The following TNKS variants were observed in gnomAD, a reference collection of about 807,000 sequenced individuals.
The protein encoded by TNKS is tankyrase.
TNKS carries 72 observed loss-of-function variants against 135.8 expected under a neutral mutation model. The observed-to-expected ratio is 0.53, with a 90% CI of 0.44 to 0.64. The LOEUF is 0.64. TNKS is among the 30% of genes least tolerant of loss of function. TNKS has a pLI of 0.00. For synonymous variants in TNKS, 849 were observed against 649.3 expected (o/e 1.31, Z -4.68); for missense variants, 1,769 against 1,674.0 (o/e 1.06, Z -0.99).
chr8:9,604,001 GAAAT>G (rs1024287019), intron 2 of TNKS, among the ~76,000 whole-genome samples: 5 of 151,932 alleles, frequency 3.3e-5, no homozygotes, highest in Admixed American at 6.5e-5. Flanking sequence ...ATTCTAAAAA[GAAAT>G]AAAAAGAGGA....
chr8:9,586,594 G>T (rs913894036), intron 2 of TNKS, among the ~76,000 whole-genome samples: 7 of 152,106 alleles, frequency 4.6e-5, no homozygotes, highest in South Asian at 2.1e-4. Flanking sequence ...GTAAAACTCA[G>T]ATTCATTCAG....
At chr8:9,721,732 T>A (rs1804890348) in intron 12 of TNKS, among the ~76,000 whole-genome samples, 1 of 152,188 alleles carries the variant, frequency 6.6e-6, no homozygotes, top group South Asian at 2.1e-4. Context: ...CCTAACTGTA[T>A]AGGTACCTTT....
At position 9,675,816 on chromosome 8, in the gene TNKS, C is replaced by G. The variant is rs145775527; in HGVS notation, c.995-4135C>G. ...GATAATGGATAATACTTAGTGAAAC[C>G]TAAGACAATCTGTTTAACTGCCTTG... On this transcript the variant is annotated intron_variant, in intron 3 of 26. Coordinates refer to ENST00000310430, the MANE Select transcript of TNKS (RefSeq NM_003747.3). Among the ~76,000 whole-genome samples, 510 of 152,140 alleles carry G rather than the reference C, an allele frequency of 3.4e-3. 3 individuals carry two copies. Among genetic ancestry groups the G allele is most frequent in the African/African-American group, 0.011 (474 of 41,510 alleles).
chr8:9,669,166 C>T (rs1009821064), intron 3 of TNKS, among the ~76,000 whole-genome samples: 11 of 152,010 alleles, frequency 7.2e-5, no homozygotes, highest in South Asian at 4.2e-4. Context: ...CGCCTGTAAT[C>T]CCAGCACTTT....
intron 1 of TNKS, among the ~76,000 whole-genome samples, chr8:9,564,999 C>G (rs780133203): frequency 2.0e-5 from 3 of 148,444 alleles, no homozygotes; most frequent in Non-Finnish European, 4.5e-5. Context: ...CAGGATAACC[C>G]CGGGGCTCAT....
intron 17 of TNKS, among the ~76,000 whole-genome samples, chr8:9,747,071 C>A (rs528995457): frequency 6.6e-6 from 1 of 151,548 alleles, no homozygotes; most frequent in Non-Finnish European, 1.5e-5. Context: ...TTGGTAGGGA[C>A]GGGGTTTCAC....
chr8:9,726,762 T>A, intron 13 of TNKS, 42 bp downstream of exon 13: 1 of 1,457,414 alleles, frequency 6.9e-7, no homozygotes. Context: ...ACTGTTGAAC[T>A]TTGCTAACCA....
chr8:9,726,729 G>A lies in TNKS; in HGVS notation c.2001+9G>A. 1 of 1,608,224 alleles carries A rather than the reference G, an allele frequency of 6.2e-7. No individual in the cohort carries two copies. Among genetic ancestry groups the A allele is most frequent in the Non-Finnish European group, 8.5e-7 (1 of 1,176,450 alleles). On this transcript the variant is annotated intron_variant, in intron 13 of 26. Coordinates refer to ENST00000310430, the MANE Select transcript of TNKS (RefSeq NM_003747.3). ...ACTTGGAAACTGTGAAGGTAAGTCA[G>A]TGCCCTTAATATCTGGAATAGCACT...
rs1465650699 is a variant in TNKS at position 9,657,645 on chromosome 8, G to T, written c.995-22306G>T. On this transcript the variant is annotated intron_variant, in intron 3 of 26. Coordinates refer to ENST00000310430, the MANE Select transcript of TNKS (RefSeq NM_003747.3). Reference sequence around the variant, plus strand: ...TCCTGGACGGGGCGGCTGGCCGGGTGGGGGGGCTGACCCCCCCATCTCCCT... The same window carrying T: ...TCCTGGACGGGGCGGCTGGCCGGGTTGGGGGGCTGACCCCCCCATCTCCCT... Among the ~76,000 whole-genome samples, 26 of 84,608 alleles carry T rather than the reference G, an allele frequency of 3.1e-4. 1 individual carries two copies. Among genetic ancestry groups the T allele is most frequent in the Admixed American group, 1.6e-3 (16 of 10,010 alleles). The allele number at this position is 84,608 out of a possible 152,430, so 55.5% of individuals were successfully genotyped here.
intron 20 of TNKS, among the ~76,000 whole-genome samples, chr8:9,759,518 G>C (rs1450114185): frequency 2.6e-5 from 4 of 152,204 alleles, no homozygotes; most frequent in Non-Finnish European, 2.9e-5. Flanking sequence ...TGTTTTGTTG[G>C]TTTGGTTTGG....
In TNKS at chr8:9,577,869, C is replaced by T. The variant is rs1218134342; in HGVS notation, c.674-2290C>T. Among the ~76,000 whole-genome samples, 3 of 152,190 alleles carry T rather than the reference C, an allele frequency of 2.0e-5. No individual in the cohort carries two copies. In the East Asian group the frequency reaches 5.8e-4, roughly 29 times the overall value. On this transcript the variant is annotated intron_variant, in intron 1 of 26. Coordinates refer to ENST00000310430, the MANE Select transcript of TNKS (RefSeq NM_003747.3). ...CCAGAGTTCAAAGCAAAGCAAGTCC[C>T]TTCTGCCTGTAAAATCAAAGCCAGT...
chr8:9,755,181 G>T (rs145651381), intron 20 of TNKS, among the ~76,000 whole-genome samples: 3 of 151,650 alleles, frequency 2.0e-5, no homozygotes, highest in Admixed American at 1.3e-4. Flanking sequence ...TCGTATATTC[G>T]CATTGTCAGT....
At chr8:9,636,924 A>G (rs1246928179) in intron 3 of TNKS, among the ~76,000 whole-genome samples, 1 of 152,188 alleles carries the variant, frequency 6.6e-6, no homozygotes, top group East Asian at 1.9e-4. Context: ...TTAGAATGTC[A>G]GTAATTTAGA....
intron 3 of TNKS, among the ~76,000 whole-genome samples, chr8:9,624,459 G>C (rs1799982757): frequency 6.6e-6 from 1 of 152,114 alleles, no homozygotes; most frequent in Non-Finnish European, 1.5e-5. Flanking sequence ...CCATGCAATT[G>C]TTAGAAGTAA....
chr8:9,734,350 C>A (rs1394822298), intron 15 of TNKS, among the ~76,000 whole-genome samples: 1 of 152,190 alleles, frequency 6.6e-6, no homozygotes, highest in East Asian at 1.9e-4. Context: ...ATTTTTAATA[C>A]ATTTATATCT....
chr8:9,775,457 TTCTA>T (rs1563229727), intron 26 of TNKS, among the ~76,000 whole-genome samples: 2 of 65,830 alleles, frequency 3.0e-5, no homozygotes, highest in African/African-American at 5.1e-5. Context: ...TTATGAATGG[TTCTA>T]TATATATATA....
chr8:9,622,928 C>G (rs1478439501), intron 3 of TNKS, among the ~76,000 whole-genome samples: 6 of 152,064 alleles, frequency 3.9e-5, no homozygotes, highest in Non-Finnish European at 8.8e-5. Context: ...TATGGTTTTT[C>G]CTATATGTAC....
At chr8:9,566,209 T>A (rs189322631) in intron 1 of TNKS, 3 of 152,360 alleles carry the variant, frequency 2.0e-5, no homozygotes, top group Non-Finnish European at 4.4e-5. Context: ...ACATCTTAGC[T>A]ATTTTTTTCT....
At position 9,569,753 on chromosome 8, in the gene TNKS, C is replaced by T. The variant is rs866188844; in HGVS notation, c.674-10406C>T. Reference sequence around the variant, plus strand: ...TGTTTTACTTTTAAAAGACAATTGGCATTCACTGTTTGGCATTATATCTCT... The same window carrying T: ...TGTTTTACTTTTAAAAGACAATTGGTATTCACTGTTTGGCATTATATCTCT... On this transcript the variant is annotated intron_variant, in intron 1 of 26. Transcript: ENST00000310430. Among the ~76,000 whole-genome samples, 6 of 152,292 alleles carry T rather than the reference C, an allele frequency of 3.9e-5. No individual in the cohort carries two copies. In the South Asian group the frequency reaches 6.2e-4, roughly 16 times the overall value.
Sources: allele counts gnomAD v4.1 joint callset (sites outside exome capture counted in the v4.1 genomes callset), GRCh38; gene constraint gnomAD v4.1.1; transcripts MANE v1.5; gene names NCBI Gene and HGNC (gene_info 2026-07-23, HGNC 2026-07-21).